The following ENTREP1 variants were observed in gnomAD, a reference collection of about 807,000 sequenced individuals.
ENTREP1 encodes the protein Friedreich ataxia region gene X123.
the ENTREP1 span, chr9:69,388,039 G>C: frequency 6.3e-7 from 1 of 1,585,982 alleles, no homozygotes; most frequent in East Asian, 2.3e-5. Flanking sequence ...GGATGTGCAT[G>C]GCTATCAGCA....
the ENTREP1 span, chr9:69,385,705 C>T: frequency 7.0e-7 from 1 of 1,426,834 alleles, no homozygotes; most frequent in Non-Finnish European, 9.1e-7. Flanking sequence ...TTTAGGCTCC[C>T]AGGTGTTTCC....
chr9:69,382,239 G>A, the ENTREP1 span: 1 of 152,268 alleles, frequency 6.6e-6, no homozygotes, highest in South Asian at 2.1e-4. Flanking sequence ...TTCACTCTTA[G>A]ATCCAGGAAG....
chr9:69,390,055 G>A, the ENTREP1 span, among the ~76,000 whole-genome samples: 1 of 152,188 alleles, frequency 6.6e-6, no homozygotes, highest in African/African-American at 2.4e-5. Context: ...TTCGCATCTT[G>A]GAGTTTTTAG....
chr9:69,367,680 AAT>A, the ENTREP1 span, among the ~76,000 whole-genome samples: 5 of 47,362 alleles, frequency 1.1e-4, no homozygotes, highest in Admixed American at 2.3e-4. Context: ...CACATATATA[AAT>A]ATATATATAC....
chr9:69,360,592 C>A, the ENTREP1 span, among the ~76,000 whole-genome samples: 2 of 152,162 alleles, frequency 1.3e-5, no homozygotes, highest in Non-Finnish European at 2.9e-5. Flanking sequence ...CTGTTTAAGT[C>A]CCTCTTCCAT....
At chr9:69,337,001 A>G in the ENTREP1 span, among the ~76,000 whole-genome samples, 1 of 81,026 alleles carries the variant, frequency 1.2e-5, no homozygotes, top group African/African-American at 4.6e-5. Context: ...CCCGGCTGTT[A>G]TTCCTTTTTT....
the ENTREP1 span, among the ~76,000 whole-genome samples, chr9:69,379,300 T>G: frequency 6.6e-6 from 1 of 152,224 alleles, no homozygotes; most frequent in African/African-American, 2.4e-5. Context: ...GTGGCTTAGC[T>G]GCTGACTCGT....
the ENTREP1 span, among the ~76,000 whole-genome samples, chr9:69,377,007 C>T: frequency 6.6e-6 from 1 of 152,190 alleles, no homozygotes; most frequent in Admixed American, 6.5e-5. Context: ...CTGGGAATTG[C>T]TATCCCTGGG....
At chr9:69,380,503 AAATAC>A in the ENTREP1 span, 1 of 152,272 alleles carries the variant, frequency 6.6e-6, no homozygotes, top group African/African-American at 2.4e-5. Flanking sequence ...TAACTTCTAT[AAATAC>A]AACCACTTCA....
chr9:69,367,672 C>CATAT, the ENTREP1 span, among the ~76,000 whole-genome samples: 2 of 113,666 alleles, frequency 1.8e-5, no homozygotes, highest in African/African-American at 3.4e-5. Context: ...TATATACACA[C>CATAT]ATATATAAAT....
chr9:69,368,215 G>A, the ENTREP1 span, among the ~76,000 whole-genome samples: 1 of 152,012 alleles, frequency 6.6e-6, no homozygotes, highest in African/African-American at 2.4e-5. Context: ...GCTCTGGATA[G>A]GACTTCTAGT....
the ENTREP1 span, chr9:69,384,048 A>G: frequency 2.5e-4 from 377 of 1,533,580 alleles, 2 homozygotes; most frequent in African/African-American, 4.6e-3. Context: ...TTGTGACATG[A>G]TTCAGTAGAT....
At chr9:69,329,777 T>TGTTAACTAGATTCCGCTGGGGTATGGGA in the ENTREP1 span, 27 of 361,426 alleles carry the variant, frequency 7.5e-5, 1 homozygote, top group East Asian at 4.5e-3. Flanking sequence ...GTGCGTTTAG[T>TGTTAACTAGATTCCGCTGGGGTATGGGA]GTTAACTAGA....
chr9:69,355,089 A>G, the ENTREP1 span, among the ~76,000 whole-genome samples: 1,518 of 152,336 alleles, frequency 1.0e-2, 22 homozygotes, highest in African/African-American at 0.034. Context: ...ATGGCATTTC[A>G]TTATGATAAT....
chr9:69,329,123 T>G, the ENTREP1 span, among the ~76,000 whole-genome samples: 5 of 152,234 alleles, frequency 3.3e-5, no homozygotes, highest in Non-Finnish European at 7.3e-5. Context: ...TGAAGCTAGG[T>G]AGTTGAATGG....
the ENTREP1 span, among the ~76,000 whole-genome samples, chr9:69,341,707 G>A: frequency 6.6e-6 from 1 of 152,176 alleles, no homozygotes. Flanking sequence ...AGCTGGAGTG[G>A]TCAGAATACC....
chr9:69,367,672 C>CACAT, the ENTREP1 span, among the ~76,000 whole-genome samples: 2 of 113,666 alleles, frequency 1.8e-5, no homozygotes, highest in African/African-American at 6.8e-5. Flanking sequence ...TATATACACA[C>CACAT]ATATATAAAT....
At chr9:69,329,531 T>C in the ENTREP1 span, 1 of 984,960 alleles carries the variant, frequency 1.0e-6, no homozygotes, top group Non-Finnish European at 1.2e-6. Context: ...CATTCATACT[T>C]TCAGCAACTT....
chr9:69,383,717 G>A, the ENTREP1 span: 195 of 1,613,808 alleles, frequency 1.2e-4, no homozygotes, highest in South Asian at 5.5e-5. Context: ...TGGATCCCCC[G>A]CCGCCATATG....
Sources: allele counts gnomAD v4.1 joint callset (sites outside exome capture counted in the v4.1 genomes callset), GRCh38; gene constraint gnomAD v4.1.1; transcripts MANE v1.5; gene names NCBI Gene and HGNC (gene_info 2026-07-23, HGNC 2026-07-21).